Variants in REEP1 observed in about 807,000 individuals in gnomAD.
REEP1 encodes the protein receptor accessory protein 1.
A neutral mutation model predicts 40.3 loss-of-function variants in REEP1; 22 were observed. The ratio of observed to expected loss-of-function variants is 0.55; its 90% confidence interval spans 0.39 to 0.78. The LOEUF (loss-of-function observed/expected upper bound fraction) is 0.78, where lower values mean the gene tolerates loss of function less well. Ranked by LOEUF, REEP1 falls within the 30% of genes least tolerant of loss-of-function variation. The pLI, the probability that REEP1 is intolerant of heterozygous loss-of-function variation, is 0.00. For missense variants in REEP1, 280 were observed against 361.1 expected (o/e 0.78, Z 1.82); for synonymous variants, 116 against 139.2 (o/e 0.83, Z 1.17).
chr2:86,226,445 A>T (rs1573995178), intron 7 of REEP1, among the ~76,000 whole-genome samples: 1 of 62,242 alleles, frequency 1.6e-5, no homozygotes, highest in Non-Finnish European at 5.2e-5. Context: ...AGGAAGTATG[A>T]CCCTGTTGTG....
intron 4 of REEP1, among the ~76,000 whole-genome samples, 177 bp from the exon 5 acceptor site, chr2:86,252,247 G>C (rs886614356): frequency 6.6e-6 from 1 of 152,170 alleles, no homozygotes; most frequent in South Asian, 2.1e-4. Flanking sequence ...AGATACAGGA[G>C]AGTAGAAAAG....
chr2:86,291,718 A>G (rs1678705447), intron 1 of REEP1, among the ~76,000 whole-genome samples: 1 of 152,110 alleles, frequency 6.6e-6, no homozygotes, highest in Non-Finnish European at 1.5e-5. Context: ...ACGCAAACCC[A>G]GGCCTCCTGT....
chr2:86,219,451 CTT>C (rs11350191), intron 8 of REEP1, among the ~76,000 whole-genome samples: 29 of 129,926 alleles, frequency 2.2e-4, no homozygotes, highest in Non-Finnish European at 2.6e-4. Context: ...TTTTTCTTTT[CTT>C]TTTTTTTTTT....
intron 5 of REEP1, chr2:86,240,064 C>T (rs913321640): frequency 1.3e-5 from 2 of 152,546 alleles, no homozygotes; most frequent in African/African-American, 4.8e-5. Flanking sequence ...ATGAAAGAGT[C>T]GAGCCACCTG....
At chr2:86,294,344 C>CA in intron 1 of REEP1, among the ~76,000 whole-genome samples, 1 of 151,596 alleles carries the variant, frequency 6.6e-6, no homozygotes, top group South Asian at 2.1e-4. Context: ...ATTTAGGAAC[C>CA]AAAAAAATAT....
In REEP1 at chr2:86,337,297, C is replaced by G. The variant is rs1045191274; in HGVS notation, c.32+182G>C. ...CGCCGGCTGCCTCCTGGGCAGCAGC[C>G]GCGTCCTGCGCCGCCCGTCCGCCCG... is the stretch of plus-strand genomic sequence containing the variant. On this transcript the variant is annotated intron_variant, in intron 1 of 8. Coordinates refer to ENST00000538924, the MANE Select transcript of REEP1 (RefSeq NM_001371279.1). This position sits in a 1 kb window ranked among gnomAD's most constrained non-coding sequence, Gnocchi z 5.8. The G allele has an allele frequency of 1.1e-4, 36 of 328,930 alleles. No homozygotes were observed. Among genetic ancestry groups the G allele is most frequent in the Non-Finnish European group, 1.6e-4 (31 of 192,104 alleles). 20.4% of individuals were successfully genotyped at this position (328,930 alleles called of 1,614,324 possible).
At position 86,232,808 on chromosome 2, in the gene REEP1, T is replaced by C. The variant is rs767743360; in HGVS notation, c.418-6A>G. ...TCCGATAAGGCACCCTGTCCCTGGA[T>C]ACAACACAGGAGGGGCACACGTCAG... On this transcript the variant is annotated splice_polypyrimidine_tract_variant and splice_region_variant and intron_variant, in intron 5 of 8. Coordinates refer to ENST00000538924, the MANE Select transcript of REEP1 (RefSeq NM_001371279.1). 2 of 1,599,560 alleles carry C rather than the reference T, an allele frequency of 1.3e-6. No individual in the cohort carries two copies. Among genetic ancestry groups the C allele is most frequent in the Non-Finnish European group, 1.7e-6 (2 of 1,179,770 alleles).
chr2:86,242,006 G>A (rs140324720), intron 5 of REEP1, among the ~76,000 whole-genome samples: 95 of 152,112 alleles, frequency 6.2e-4, no homozygotes, highest in Non-Finnish European at 1.1e-3. Context: ...TGTAAATAAC[G>A]TCCCAATGCC....
In REEP1 at chr2:86,337,452, AG is replaced by A. The variant is rs1488969411; in HGVS notation, c.32+26del. The A allele has an allele frequency of 1.6e-6, 2 of 1,223,462 alleles. No homozygotes were observed. Among genetic ancestry groups the A allele is most frequent in the Non-Finnish European group, 1.0e-6 (1 of 976,050 alleles). 75.8% of individuals were successfully genotyped at this position (1,223,462 alleles called of 1,614,324 possible). ...CCGGGGGCGGGGAGGGAGGGGACGG[AG>A]GGGCGCGGGGGAGAAGGCCACTTAC... On this transcript the variant is annotated intron_variant, in intron 1 of 8. Transcript: ENST00000538924. The surrounding 1 kb of genome is among the most constrained non-coding windows in gnomAD (Gnocchi z 5.8).
chr2:86,247,146 A>G (rs1156938923), intron 5 of REEP1, among the ~76,000 whole-genome samples: 1 of 152,122 alleles, frequency 6.6e-6, no homozygotes, highest in East Asian at 1.9e-4. Flanking sequence ...ATTACCAGTT[A>G]GGAGACAGGT....
intron 5 of REEP1, among the ~76,000 whole-genome samples, chr2:86,248,961 GC>G (rs1358286337): frequency 6.6e-6 from 1 of 152,134 alleles, no homozygotes; most frequent in Non-Finnish European, 1.5e-5. Context: ...GAGGCACTGT[GC>G]TAGGCTCTTG....
At chr2:86,320,611 TA>T (rs769822494) in intron 1 of REEP1, among the ~76,000 whole-genome samples, 62 of 152,134 alleles carry the variant, frequency 4.1e-4, no homozygotes, top group Non-Finnish European at 7.8e-4. Flanking sequence ...TTTAAAGGAA[TA>T]AAAAGGAATT....
intron 1 of REEP1, among the ~76,000 whole-genome samples, chr2:86,334,932 C>G (rs965347256): frequency 6.6e-6 from 1 of 152,204 alleles, no homozygotes; most frequent in Non-Finnish European, 1.5e-5. Flanking sequence ...TAGCTGTGGA[C>G]TAGCATCTGC....
chr2:86,311,684 A>C (rs986561671), intron 1 of REEP1, among the ~76,000 whole-genome samples: 2 of 152,184 alleles, frequency 1.3e-5, no homozygotes, highest in African/African-American at 4.8e-5. Flanking sequence ...GTATGAACTC[A>C]TCCCAACTTG....
intron 3 of REEP1, among the ~76,000 whole-genome samples, chr2:86,259,679 C>T (rs1353616693): frequency 1.3e-5 from 2 of 152,060 alleles, no homozygotes; most frequent in African/African-American, 4.8e-5. Context: ...TGAGCCACCA[C>T]GCCCAGCCTG....
At chr2:86,240,235 C>T (rs1675600373) in intron 5 of REEP1, among the ~76,000 whole-genome samples, 3 of 152,206 alleles carry the variant, frequency 2.0e-5, no homozygotes, top group African/African-American at 7.2e-5. Context: ...CGAAGCTCTG[C>T]GTGAAGCACC....
At chr2:86,290,902 C>T (rs1678661106) in intron 1 of REEP1, among the ~76,000 whole-genome samples, 1 of 152,172 alleles carries the variant, frequency 6.6e-6, no homozygotes, top group Admixed American at 6.5e-5. Context: ...GACTTTCTAA[C>T]AGGCTGGAGG....
intron 2 of REEP1, among the ~76,000 whole-genome samples, chr2:86,270,015 G>A (rs1218213516): frequency 6.6e-6 from 1 of 151,660 alleles, no homozygotes; most frequent in Non-Finnish European, 1.5e-5. Flanking sequence ...TTAAAAAATG[G>A]GCAAAAGATC....
intron 2 of REEP1, among the ~76,000 whole-genome samples, chr2:86,267,059 G>A (rs1272202734): frequency 1.3e-5 from 2 of 150,516 alleles, no homozygotes; most frequent in Non-Finnish European, 2.9e-5. Context: ...TTACTGGGAG[G>A]CCAAGATGAG....
Sources: allele counts gnomAD v4.1 joint callset (sites outside exome capture counted in the v4.1 genomes callset), GRCh38; gene constraint gnomAD v4.1.1; non-coding constraint Gnocchi (gnomAD v3.1); transcripts MANE v1.5; gene names NCBI Gene and HGNC (gene_info 2026-07-23, HGNC 2026-07-21).